The following SHKBP1 variants were observed in gnomAD, a reference collection of about 807,000 sequenced individuals.
SHKBP1 encodes the protein SH3KBP1 binding protein 1.
In SHKBP1, 71 loss-of-function variants were observed where a neutral mutation model predicts 83.9. The ratio of observed to expected loss-of-function variants is 0.85; its 90% CI spans 0.70 to 1.03. The LOEUF (loss-of-function observed/expected upper bound fraction) is 1.03. SHKBP1 is among the 50% of genes least tolerant of loss of function. SHKBP1 has a pLI of 0.00. For synonymous variants in SHKBP1, 371 were observed against 398.0 expected, an observed-to-expected ratio of 0.93 and a Z score of 0.81; for missense variants, 824 against 982.4, an observed-to-expected ratio of 0.84 and a Z score of 2.16.
intron 1 of SHKBP1, 112 bp downstream of exon 1, chr19:40,577,097 C>G (rs566920856): frequency 3.0e-6 from 4 of 1,346,416 alleles, no homozygotes; most frequent in Middle Eastern, 2.1e-4. Context: ...GCCCCCCCCC[C>G]CTTTGGAGGC....
At chr19:40,581,088 T>G in intron 9 of SHKBP1, 152 bp downstream of exon 9, 1 of 752,474 alleles carries the variant, frequency 1.3e-6, no homozygotes, top group Non-Finnish European at 1.9e-6. Flanking sequence ...TTCAGAATTC[T>G]GTATCCTGTT....
chr19:40,584,081 T>G (rs1386349820), intron 12 of SHKBP1, among the ~76,000 whole-genome samples: 1 of 152,054 alleles, frequency 6.6e-6, no homozygotes, highest in Non-Finnish European at 1.5e-5. Context: ...CCTCAGATGA[T>G]CCTCCCGCCT....
chr19:40,579,078 C>A lies in SHKBP1; in HGVS notation c.400+536C>A, dbSNP rs374591442. 1.2e-4 allele frequency among the ~76,000 whole-genome samples: 18 copies of A among 152,046 alleles called. 1 individual carries two copies. The highest frequency in any genetic ancestry group is 4.3e-4 in the African/African-American group (18 of 41,396). ...TAGTACTTTTCCAACTTAGTTTTAT[C>A]CTGTTTTCCGAAAAACAATCATTTA... On this transcript the variant is annotated intron_variant, in intron 6 of 17. Transcript: ENST00000291842.
intron 12 of SHKBP1, 52 bp from the exon 13 acceptor site, chr19:40,586,722 G>T: frequency 1.4e-6 from 2 of 1,444,082 alleles, no homozygotes; most frequent in Non-Finnish European, 1.8e-6. Context: ...TCCCTGCCCT[G>T]GTTTCTGTCT....
intron 12 of SHKBP1, among the ~76,000 whole-genome samples, chr19:40,584,548 C>T (rs1042430593): frequency 2.0e-5 from 3 of 152,192 alleles, no homozygotes; most frequent in Admixed American, 2.0e-4. Flanking sequence ...TTCATCACCC[C>T]CGTAAGAAAC....
At position 40,580,486 on chromosome 19, in the gene SHKBP1, G is replaced by A. The variant is rs777536974; in HGVS notation, c.562+1G>A. 3 of 1,613,066 alleles carry A rather than the reference G, an allele frequency of 1.9e-6. No homozygotes were observed. Among genetic ancestry groups the A allele is most frequent in the South Asian group, 1.1e-5 (1 of 91,044 alleles). ...GAGAAAACCCCTCCCTCACCCTCAG[G>A]TACGTTTCTATCTCGTGGAAGGTTG... On this transcript the variant is annotated splice_donor_variant, in intron 7 of 17. Coordinates refer to ENST00000291842, the MANE Select transcript of SHKBP1 (RefSeq NM_138392.4). LOFTEE classifies it high-confidence loss of function.
Position 40,591,267 on chromosome 19 carries a change from C to T in SHKBP1, c.*60C>T. Reference sequence around the variant, plus strand: ...GGTCCTGGGGGACTCAGGTGCCTCCCTGATTCCTGTGGGAACCCCGGGTTC... The same window carrying T: ...GGTCCTGGGGGACTCAGGTGCCTCCTTGATTCCTGTGGGAACCCCGGGTTC... On this transcript the variant is annotated 3_prime_UTR_variant, in exon 18 of 18. Coordinates refer to ENST00000291842, the MANE Select transcript of SHKBP1 (RefSeq NM_138392.4). The T allele has an allele frequency of 6.9e-7, 1 of 1,446,546 alleles. No homozygotes were observed. The highest frequency in any genetic ancestry group is 9.3e-7 in the Non-Finnish European group (1 of 1,076,298). The allele number at this position is 1,446,546 out of a possible 1,614,324, so 89.6% of individuals were successfully genotyped here. A position where few individuals can be genotyped will look rare whatever the true frequency, so the allele number is the denominator to read the frequency against.
chr19:40,583,912 C>T (rs910829417), intron 12 of SHKBP1, among the ~76,000 whole-genome samples, 195 bp downstream of exon 12: 3 of 152,072 alleles, frequency 2.0e-5, no homozygotes, highest in Admixed American at 1.3e-4. Context: ...GCAATCTTGG[C>T]TCACTGCAAC....
chr19:40,583,050 C>T lies in SHKBP1; in HGVS notation c.961-348C>T, dbSNP rs1009994567. On this transcript the variant is annotated intron_variant, in intron 10 of 17. Coordinates refer to ENST00000291842, the MANE Select transcript of SHKBP1 (RefSeq NM_138392.4). ...GAGGCCGGGTGCAGTGACTCCCGCC[C>T]GTAATCCCAGCACTTTGGGAGGCCG... Among the ~76,000 whole-genome samples, 7 of 148,992 alleles carry T rather than the reference C, an allele frequency of 4.7e-5. No individual in the cohort carries two copies. In the East Asian group the frequency reaches 6.0e-4, roughly 13 times the overall value.
At position 40,580,379 on chromosome 19, in the gene SHKBP1, A is replaced by G; in HGVS notation, c.456A>G (p.Gly152=). ...GCCTAGTGGGGCCTCAGCAGCTAGG[A>G]GGACGGCCAGCCCCTGTCCGACGGA... ...RHSLVGPQQL[G]GRPAPVRRSN... Residue 152 remains glycine (G), a synonymous_variant, in exon 7 of 18, where the codon GGA becomes GGG. Transcript: ENST00000291842. 6.2e-7 allele frequency: 1 copy of G among 1,614,246 alleles called. No individual in the cohort carries two copies. The highest frequency in any genetic ancestry group is 8.5e-7 in the Non-Finnish European group (1 of 1,180,052).
In SHKBP1 at chr19:40,576,902, GGCA is replaced by G. The variant is rs1325130022; in HGVS notation, c.9_11del (p.Ala5del). The G allele has an allele frequency of 6.8e-7, 1 of 1,463,670 alleles. No individual in the cohort carries two copies. Among genetic ancestry groups the G allele is most frequent in the Non-Finnish European group, 9.0e-7 (1 of 1,110,396 alleles). The allele number at this position is 1,463,670 out of a possible 1,614,324, so 90.7% of individuals were successfully genotyped here. A position where few individuals can be genotyped will look rare whatever the true frequency, so the allele number is the denominator to read the frequency against. ...GCCAGCCGGCTCGCCCGGGGGCCAT[GGCA>G]GCAGCGGCTACTGCAGCCGAGGGGG... On this transcript the variant is annotated inframe_deletion, in exon 1 of 18. Transcript: ENST00000291842.
intron 15 of SHKBP1, among the ~76,000 whole-genome samples, chr19:40,589,658 G>T (rs1223483139): frequency 6.6e-6 from 1 of 151,926 alleles, no homozygotes; most frequent in Non-Finnish European, 1.5e-5. Flanking sequence ...CTGGATGAAG[G>T]GACTCTGAGC....
intron 1 of SHKBP1, 107 bp downstream of exon 1, chr19:40,577,092 C>T (rs551604033): frequency 2.2e-6 from 3 of 1,346,960 alleles, no homozygotes; most frequent in Admixed American, 2.1e-5. Context: ...GCTCCGCCCC[C>T]CCCCCCTTTG....
intron 6 of SHKBP1, among the ~76,000 whole-genome samples, chr19:40,579,223 C>G (rs2081247384): frequency 6.6e-6 from 1 of 152,064 alleles, no homozygotes; most frequent in African/African-American, 2.4e-5. Context: ...AGCCATCCTT[C>G]CACCTCAGCT....
intron 12 of SHKBP1, among the ~76,000 whole-genome samples, chr19:40,584,257 G>A (rs1328751440): frequency 6.6e-6 from 1 of 151,574 alleles, no homozygotes; most frequent in Non-Finnish European, 1.5e-5. Flanking sequence ...TGGACCATTA[G>A]GAGTTAATCT....
In SHKBP1 at chr19:40,580,348, G is replaced by A. The variant is rs774556159; in HGVS notation, c.425G>A (p.Arg142Gln). 1.1e-5 allele frequency: 18 copies of A among 1,614,072 alleles called. No homozygotes were observed. The highest frequency in any genetic ancestry group is 1.4e-5 in the Non-Finnish European group (17 of 1,179,940). ...GTGTTCCCAGTGAAGCGGCGGAACC[G>A]GCACAGCCTAGTGGGGCCTCAGCAG... Reference protein sequence around the residue: ...PPVFPVKRRNRHSLVGPQQLG... With the variant: ...PPVFPVKRRNQHSLVGPQQLG... Residue 142 changes from arginine to glutamine, a missense_variant, in exon 7 of 18, where the codon CGG becomes CAG. Transcript: ENST00000291842.
intron 4 of SHKBP1, 186 bp downstream of exon 4, chr19:40,577,816 A>G: frequency 1.4e-6 from 1 of 726,840 alleles, no homozygotes. Flanking sequence ...CCGAGGTGGG[A>G]GGATCACTTG....
At chr19:40,578,663 C>T (rs2081242848) in intron 6 of SHKBP1, 121 bp downstream of exon 6, 2 of 844,208 alleles carry the variant, frequency 2.4e-6, no homozygotes, top group Admixed American at 2.0e-5. Context: ...GGTGTAGTTC[C>T]CTATCAGATG....
chr19:40,581,806 T>G (rs1239310808), intron 9 of SHKBP1, among the ~76,000 whole-genome samples: 1 of 152,032 alleles, frequency 6.6e-6, no homozygotes, highest in Non-Finnish European at 1.5e-5. Flanking sequence ...CCAGTGGAGG[T>G]TTTTTTGCCT....
Sources: allele counts gnomAD v4.1 joint callset (sites outside exome capture counted in the v4.1 genomes callset), GRCh38; gene constraint gnomAD v4.1.1; transcripts MANE v1.5; gene names NCBI Gene and HGNC (gene_info 2026-07-23, HGNC 2026-07-21).